STXBP6: variants seen among roughly 807,000 people sequenced by gnomAD.
The protein encoded by STXBP6 is syntaxin-binding protein 6.
A neutral mutation model predicts 26.9 loss-of-function variants in STXBP6; 21 were observed. The ratio of observed to expected loss-of-function variants is 0.78; its 90% CI spans 0.55 to 1.12. The LOEUF (loss-of-function observed/expected upper bound fraction) is 1.12. STXBP6 is among the 50% of genes most tolerant of loss of function. The pLI is 0.00. For synonymous variants in STXBP6, 97 were observed against 92.6 expected (o/e 1.05, Z -0.27); for missense variants, 232 against 257.9 (o/e 0.90, Z 0.69).
Position 25,049,055 on chromosome 14 carries a change from C to T in STXBP6, c.-33+823G>A. The stretch of plus-strand genomic sequence containing the variant: ...CTGGGGCCAGAACCAAGGGCAGATA[C>T]ACCCCGGGGACTTTCTCCTAAAGAA... On this transcript the variant is annotated intron_variant, in intron 1 of 5. Coordinates refer to ENST00000323944, the MANE Select transcript of STXBP6 (RefSeq NM_001394410.1). The surrounding 1 kb of genome is among the most constrained non-coding windows in gnomAD (Gnocchi z 5.6). 1 of 653,754 alleles carries T rather than the reference C, an allele frequency of 1.5e-6. No homozygotes were observed. 40.5% of individuals were successfully genotyped at this position (653,754 alleles called of 1,614,324 possible).
At chr14:25,042,949 A>T (rs981958926) in intron 1 of STXBP6, among the ~76,000 whole-genome samples, 1 of 152,232 alleles carries the variant, frequency 6.6e-6, no homozygotes, top group African/African-American at 2.4e-5. Flanking sequence ...ACCCTCTTTA[A>T]ATAGAGATTT....
At chr14:24,952,120 A>G (rs1226332413) in intron 2 of STXBP6, among the ~76,000 whole-genome samples, 1 of 151,620 alleles carries the variant, frequency 6.6e-6, no homozygotes, top group Non-Finnish European at 1.5e-5. Context: ...GGAAATAAAT[A>G]CAATATGACT....
At chr14:25,009,686 G>C (rs1279652652) in intron 1 of STXBP6, among the ~76,000 whole-genome samples, 2 of 152,080 alleles carry the variant, frequency 1.3e-5, no homozygotes, top group Non-Finnish European at 2.9e-5. Context: ...ACTGGTTTCT[G>C]TTACAGGGCA....
intron 2 of STXBP6, among the ~76,000 whole-genome samples, chr14:24,948,833 G>C (rs1242889950): frequency 6.6e-6 from 1 of 152,128 alleles, no homozygotes; most frequent in Non-Finnish European, 1.5e-5. Context: ...GACACAATTA[G>C]TGTGACTGAT....
intron 2 of STXBP6, among the ~76,000 whole-genome samples, chr14:24,882,115 C>T (rs535058861): frequency 3.3e-5 from 5 of 151,770 alleles, no homozygotes; most frequent in African/African-American, 1.2e-4. Context: ...CGCGGTGGCT[C>T]ACGCCTGTAA....
rs541788374 is a variant in STXBP6 at position 24,883,263 on chromosome 14, A to T, written c.155-26106T>A. Among the ~76,000 whole-genome samples, 127 of 152,030 alleles carry T rather than the reference A, an allele frequency of 8.4e-4. 2 individuals carry two copies. The South Asian group carries it at 0.021, about 25-fold the overall frequency. On this transcript the variant is annotated intron_variant, in intron 2 of 5. Transcript: ENST00000323944. ...TACTGCTAAAAGCATGTTTTTTTTT[A>T]AAAAATACACTCTTTATTTTAGAAT...
chr14:25,000,078 T>A, intron 1 of STXBP6, among the ~76,000 whole-genome samples: 1 of 152,118 alleles, frequency 6.6e-6, no homozygotes, highest in African/African-American at 2.4e-5. Flanking sequence ...TTTTTTTTTT[T>A]TTGAGACGGA....
intron 1 of STXBP6, among the ~76,000 whole-genome samples, chr14:25,023,898 C>T (rs17109498): frequency 0.14 from 20,656 of 151,970 alleles, 1,633 homozygotes; most frequent in African/African-American, 0.21. Flanking sequence ...CCTGGGAGGT[C>T]GATAGGGCAC....
intron 1 of STXBP6, among the ~76,000 whole-genome samples, chr14:25,041,755 T>G (rs1487472572): frequency 6.6e-6 from 1 of 152,228 alleles, no homozygotes; most frequent in Admixed American, 6.5e-5. Context: ...TGAGTCCCAG[T>G]GAAGCCTAGT....
chr14:24,961,251 A>G (rs899532970), intron 2 of STXBP6, among the ~76,000 whole-genome samples: 6 of 152,122 alleles, frequency 3.9e-5, no homozygotes, highest in Non-Finnish European at 8.8e-5. Flanking sequence ...ACAACAGACA[A>G]TGGGGTCTAG....
chr14:25,015,220 TA>T (rs1049200822), intron 1 of STXBP6, among the ~76,000 whole-genome samples: 5 of 151,716 alleles, frequency 3.3e-5, no homozygotes, highest in South Asian at 2.1e-4. Flanking sequence ...AGAACTGCTT[TA>T]AAAAAAAATC....
intron 5 of STXBP6, chr14:24,815,765 G>A (rs926294258): frequency 2.0e-5 from 3 of 152,072 alleles, no homozygotes; most frequent in African/African-American, 7.3e-5. Flanking sequence ...CTGCAACATT[G>A]TGCTTTTTGG....
At chr14:24,854,364 G>A (rs978325262) in intron 4 of STXBP6, among the ~76,000 whole-genome samples, 1 of 152,026 alleles carries the variant, frequency 6.6e-6, no homozygotes, top group Non-Finnish European at 1.5e-5. Flanking sequence ...TGCCCAGGAC[G>A]GAACATGAAG....
intron 4 of STXBP6, among the ~76,000 whole-genome samples, chr14:24,823,260 T>C (rs928162003): frequency 1.3e-5 from 2 of 152,168 alleles, no homozygotes; most frequent in East Asian, 3.8e-4. Flanking sequence ...AGCTATAGCA[T>C]TGTGTTCAGT....
rs546498054 is a variant in STXBP6 at position 24,907,719 on chromosome 14, G to A, written c.155-50562C>T. Among the ~76,000 whole-genome samples the A allele has an allele frequency of 2.6e-5, 4 of 151,926 alleles. No individual in the cohort carries two copies. The South Asian group carries it at 8.3e-4, about 32-fold the overall frequency. On this transcript the variant is annotated intron_variant, in intron 2 of 5. Coordinates refer to ENST00000323944, the MANE Select transcript of STXBP6 (RefSeq NM_001394410.1). ...CACTGAATTCTACTTGTATTTGAAGGGACAATGTTGATAACATTCTGTCCA... is the reference window on the plus strand; with the variant it reads ...CACTGAATTCTACTTGTATTTGAAGAGACAATGTTGATAACATTCTGTCCA...
chr14:24,861,048 A>T (rs962600389), intron 2 of STXBP6, among the ~76,000 whole-genome samples: 10 of 152,178 alleles, frequency 6.6e-5, no homozygotes, highest in Non-Finnish European at 1.0e-4. Flanking sequence ...AAAAAGAAAG[A>T]AAGAAAGAGG....
At chr14:25,006,970 A>G (rs1187914771) in intron 1 of STXBP6, among the ~76,000 whole-genome samples, 1 of 152,226 alleles carries the variant, frequency 6.6e-6, no homozygotes, top group African/African-American at 2.4e-5. Context: ...CTCCGACATT[A>G]GTTACCCCAT....
intron 1 of STXBP6, among the ~76,000 whole-genome samples, chr14:25,021,054 G>A (rs2075253741): frequency 6.6e-6 from 1 of 151,990 alleles, no homozygotes; most frequent in South Asian, 2.1e-4. Context: ...TCAATGACTA[G>A]TTCACTCTTA....
chr14:24,993,859 C>G (rs987715172), intron 1 of STXBP6, among the ~76,000 whole-genome samples: 2 of 152,124 alleles, frequency 1.3e-5, no homozygotes, highest in Non-Finnish European at 2.9e-5. Context: ...CAATCCTCCC[C>G]CAGAGATCCA....
Sources: allele counts gnomAD v4.1 joint callset (sites outside exome capture counted in the v4.1 genomes callset), GRCh38; gene constraint gnomAD v4.1.1; non-coding constraint Gnocchi (gnomAD v3.1); transcripts MANE v1.5; gene names NCBI Gene and HGNC (gene_info 2026-07-23, HGNC 2026-07-21).